The following LCOR variants were observed in gnomAD, a reference collection of about 807,000 sequenced individuals.
The protein encoded by LCOR is ligand dependent nuclear receptor corepressor.
In LCOR, 14 loss-of-function variants were observed where a neutral mutation model predicts 64.4. That is an observed-to-expected ratio of 0.22 (90% CI 0.14 to 0.34). LCOR has a LOEUF of 0.34. LCOR is among the 10% of genes least tolerant of loss of function. LCOR has a pLI of 1.00. For synonymous variants in LCOR, 643 were observed against 642.5 expected, an observed-to-expected ratio of 1.00 and a Z score of -0.01; for missense variants, 1,686 against 1,765.3, an observed-to-expected ratio of 0.96 and a Z score of 0.80.
chr10:96,898,711 T>G (rs1301611154), intron 2 of LCOR, among the ~76,000 whole-genome samples: 2 of 152,202 alleles, frequency 1.3e-5, no homozygotes, highest in East Asian at 3.8e-4. Context: ...TTTTCAGGGT[T>G]GTTTGTTTTG....
At chr10:96,931,532 G>A (rs1847261122) in intron 4 of LCOR, among the ~76,000 whole-genome samples, 1 of 152,110 alleles carries the variant, frequency 6.6e-6, no homozygotes, top group Non-Finnish European at 1.5e-5. Flanking sequence ...ACTGCGCCTG[G>A]CAGCATTGGT....
At chr10:96,881,008 C>G (rs911785419) in intron 2 of LCOR, among the ~76,000 whole-genome samples, 1 of 152,220 alleles carries the variant, frequency 6.6e-6, no homozygotes, top group East Asian at 1.9e-4. Context: ...ACTTAATTCT[C>G]TCAGACAGCC....
chr10:96,903,432 T>G (rs919030162), intron 2 of LCOR, among the ~76,000 whole-genome samples: 7 of 152,132 alleles, frequency 4.6e-5, no homozygotes, highest in African/African-American at 1.7e-4. Context: ...TATTGAAGAC[T>G]GAGCACCAAG....
Position 96,995,462 on chromosome 10 carries a change from A to C in LCOR, c.*10328A>C, listed in dbSNP as rs771313503. 2 of 152,230 alleles carry C rather than the reference A, an allele frequency of 1.3e-5. No homozygotes were observed. The highest frequency in any genetic ancestry group is 2.9e-5 in the Non-Finnish European group (2 of 68,036). 9.4% of individuals were successfully genotyped at this position (152,230 alleles called of 1,614,324 possible). A position where few individuals can be genotyped will look rare whatever the true frequency, so the allele number is the denominator to read the frequency against. ...CTACTATGTTAGTGAGTGTAGGAAT[A>C]TACTGTGTCTTTAATGGATGAAAAT... On this transcript the variant is annotated 3_prime_UTR_variant, in exon 8 of 8. Transcript: ENST00000421806. The surrounding 1 kb of genome is among the most constrained non-coding windows in gnomAD (Gnocchi z 4.2).
chr10:96,834,540 T>C (rs1435305960), intron 2 of LCOR, among the ~76,000 whole-genome samples: 1 of 152,210 alleles, frequency 6.6e-6, no homozygotes, highest in African/African-American at 2.4e-5. Flanking sequence ...GAAGAGAGCA[T>C]ATAGCAGGTT....
At chr10:96,838,052 A>G (rs947567494) in intron 2 of LCOR, among the ~76,000 whole-genome samples, 11 of 152,224 alleles carry the variant, frequency 7.2e-5, no homozygotes, top group Non-Finnish European at 1.3e-4. Context: ...AATTCCTTTT[A>G]CTATTCTATA....
chr10:96,886,506 A>C (rs948842343), intron 2 of LCOR, among the ~76,000 whole-genome samples: 1 of 152,240 alleles, frequency 6.6e-6, no homozygotes, highest in African/African-American at 2.4e-5. Flanking sequence ...TATTATTCCC[A>C]AAAACGTTCA....
At chr10:96,866,641 C>A (rs767654018) in intron 2 of LCOR, among the ~76,000 whole-genome samples, 7 of 152,166 alleles carry the variant, frequency 4.6e-5, no homozygotes, top group Non-Finnish European at 1.0e-4. Context: ...AGTGCAATGG[C>A]CCGATTTCGG....
intron 4 of LCOR, among the ~76,000 whole-genome samples, chr10:96,936,811 C>A (rs902357950): frequency 1.3e-5 from 2 of 150,780 alleles, no homozygotes; most frequent in African/African-American, 5.0e-5. Context: ...AACTACAGAT[C>A]GTACCAAACT....
At chr10:96,942,313 C>T (rs1372401280) in intron 4 of LCOR, among the ~76,000 whole-genome samples, 1 of 151,172 alleles carries the variant, frequency 6.6e-6, no homozygotes, top group African/African-American at 2.4e-5. Context: ...CGTGGCGGCG[C>T]GCGCCTGCAA....
At chr10:96,967,477 G>T (rs985685198) in intron 7 of LCOR, among the ~76,000 whole-genome samples, 2 of 152,174 alleles carry the variant, frequency 1.3e-5, no homozygotes, top group African/African-American at 2.4e-5. Context: ...GCACTAGAAA[G>T]ATCACTTATT....
At chr10:96,859,278 C>G (rs7922565) in intron 2 of LCOR, among the ~76,000 whole-genome samples, 2 of 151,798 alleles carry the variant, frequency 1.3e-5, no homozygotes, top group African/African-American at 4.8e-5. Flanking sequence ...GGCACAATCT[C>G]GGCTCACTGC....
chr10:96,939,158 T>C (rs1318175599), intron 4 of LCOR, among the ~76,000 whole-genome samples: 1 of 152,226 alleles, frequency 6.6e-6, no homozygotes, highest in Non-Finnish European at 1.5e-5. Context: ...GGCTTGAGGA[T>C]AGATATATAA....
intron 5 of LCOR, among the ~76,000 whole-genome samples, chr10:96,944,765 A>G (rs1847558017): frequency 6.6e-6 from 1 of 152,118 alleles, no homozygotes; most frequent in Non-Finnish European, 1.5e-5. Flanking sequence ...TTCCCCCTGC[A>G]TTTGAGGTGG....
chr10:96,899,977 C>T (rs1044280323), intron 2 of LCOR, among the ~76,000 whole-genome samples: 2 of 152,030 alleles, frequency 1.3e-5, no homozygotes, highest in East Asian at 1.9e-4. Context: ...TGCAGTTCAC[C>T]GATTTTTATT....
intron 2 of LCOR, among the ~76,000 whole-genome samples, chr10:96,886,420 A>G (rs941930629): frequency 6.6e-6 from 1 of 152,206 alleles, no homozygotes; most frequent in Non-Finnish European, 1.5e-5. Context: ...GTGCTAAAAA[A>G]GTTTCAGATT....
intron 2 of LCOR, among the ~76,000 whole-genome samples, chr10:96,895,608 A>C (rs1469911524): frequency 6.6e-6 from 1 of 152,204 alleles, no homozygotes. Context: ...CTCACCGTGG[A>C]CTGTATGATC....
chr10:96,856,728 T>G (rs1004662027), intron 2 of LCOR, among the ~76,000 whole-genome samples: 5 of 152,012 alleles, frequency 3.3e-5, no homozygotes, highest in African/African-American at 1.2e-4. Flanking sequence ...TCTCCTGCCT[T>G]GGCCTCCCAA....
chr10:96,898,027 T>G (rs1359381642), intron 2 of LCOR, among the ~76,000 whole-genome samples: 2 of 152,152 alleles, frequency 1.3e-5, no homozygotes, highest in Non-Finnish European at 2.9e-5. Context: ...AAAGAGTGTG[T>G]TTGCATTCAT....
Sources: gnomAD v4.1 joint callset for allele counts (sites outside exome capture counted in the v4.1 genomes callset) on GRCh38, gnomAD v4.1.1 for gene constraint, Gnocchi (gnomAD v3.1) non-coding constraint, MANE v1.5 for transcripts, NCBI Gene and HGNC (gene_info 2026-07-23, HGNC 2026-07-21) for gene names.